INO80: variants seen among roughly 807,000 people sequenced by gnomAD.
The protein encoded by INO80 is INO80 complex ATPase subunit.
In INO80, 20 loss-of-function variants were observed where a neutral mutation model predicts 203.4. The observed-to-expected ratio is 0.10, with a 90% confidence interval of 0.07 to 0.14. The LOEUF is 0.14. Ranked by LOEUF, INO80 falls within the 10% of genes least tolerant of loss-of-function variation. The probability of loss-of-function intolerance (pLI) is 1.00; values close to 1 mark genes in which losing one functional copy is unlikely to be tolerated. For missense variants in INO80, 1,419 were observed against 1,914.4 expected (o/e 0.74, Z 4.83); for synonymous variants, 726 against 685.2 (o/e 1.06, Z -0.93).
chr15:41,024,803 G>A (rs934284714), intron 25 of INO80, among the ~76,000 whole-genome samples: 6 of 152,072 alleles, frequency 3.9e-5, no homozygotes, highest in African/African-American at 1.4e-4. Context: ...CTAATTCAAG[G>A]CCAGGGTTGG....
At chr15:41,108,051 G>C (rs939693943) in intron 1 of INO80, among the ~76,000 whole-genome samples, 2 of 151,592 alleles carry the variant, frequency 1.3e-5, no homozygotes, top group Admixed American at 6.6e-5. Flanking sequence ...GGTGGGCCGA[G>C]ATCACACCAC....
chr15:41,019,312 C>T (rs944440609), intron 26 of INO80, among the ~76,000 whole-genome samples: 12 of 152,184 alleles, frequency 7.9e-5, no homozygotes, highest in Admixed American at 2.6e-4. Flanking sequence ...CCCCAACCCC[C>T]GCCCTGTCCC....
intron 28 of INO80, 60 bp from the exon 29 acceptor site, chr15:40,997,661 AAT>A: frequency 9.2e-7 from 1 of 1,091,658 alleles, no homozygotes; most frequent in Non-Finnish European, 1.4e-6. Flanking sequence ...GGCATGTATC[AAT>A]AGAGAGAGAT....
At chr15:41,097,957 A>AAAC (rs769190530) in intron 1 of INO80, among the ~76,000 whole-genome samples, 15 of 151,990 alleles carry the variant, frequency 9.9e-5, no homozygotes, top group African/African-American at 1.7e-4. Context: ...CCATCTCAAA[A>AAAC]AACAACAACA....
chr15:41,076,792 T>C lies in INO80; in HGVS notation c.1132-2227A>G, dbSNP rs140448679. On this transcript the variant is annotated intron_variant, in intron 9 of 35. Transcript: ENST00000648947. ...TAACCTAAGAAAAATAATCATTGTG[T>C]CGATAAATAAAATCATTCCTAAGAT... Among the ~76,000 whole-genome samples the C allele has an allele frequency of 3.6e-3, 551 of 152,178 alleles. 4 individuals carry two copies. The highest frequency in any genetic ancestry group is 0.013 in the African/African-American group (521 of 41,516).
In INO80 at chr15:41,070,554, A is replaced by G. The variant is rs555960104; in HGVS notation, c.1606-7T>C. The G allele has an allele frequency of 1.0e-4, 165 of 1,600,840 alleles. No individual in the cohort carries two copies. Among genetic ancestry groups the G allele is most frequent in the Middle Eastern group, 3.3e-4 (2 of 6,028 alleles). On this transcript the variant is annotated splice_region_variant and splice_polypyrimidine_tract_variant and intron_variant, in intron 12 of 35. Coordinates refer to ENST00000648947, the MANE Select transcript of INO80 (RefSeq NM_017553.3). ...CAAGAATGCCATTAATACCCTGGGG[A>G]AAAAAAATACATGGTCAACACCTCA...
At chr15:40,987,776 T>G (rs2043760668) in intron 30 of INO80, 40 bp downstream of exon 30, 2 of 1,584,210 alleles carry the variant, frequency 1.3e-6, no homozygotes, top group Non-Finnish European at 1.7e-6. Context: ...GACTTTCTGT[T>G]TGCTCCACCA....
chr15:41,097,406 A>G (rs573152015), intron 1 of INO80, among the ~76,000 whole-genome samples: 5 of 152,194 alleles, frequency 3.3e-5, no homozygotes, highest in Non-Finnish European at 7.3e-5. Context: ...TAAATACTTA[A>G]AGGGTTACAC....
intron 25 of INO80, chr15:41,023,316 A>C (rs1224322414): frequency 2.2e-6 from 1 of 456,008 alleles, no homozygotes; most frequent in African/African-American, 2.0e-5. Flanking sequence ...GTCAGAGCAA[A>C]CATCTCCCAT....
Position 41,036,156 on chromosome 15 carries a change from G to GGA in INO80, c.2908-8421_2908-8420insTC, listed in dbSNP as rs1555401559. Among the ~76,000 whole-genome samples, 25 of 32,140 alleles carry GGA rather than the reference G, an allele frequency of 7.8e-4. No individual in the cohort carries two copies. The South Asian group carries it at 8.6e-3, about 11-fold the overall frequency. 21.1% of individuals were successfully genotyped at this position (32,140 alleles called of 152,430 possible). A position where few individuals can be genotyped will look rare whatever the true frequency, so the allele number is the denominator to read the frequency against. ...GGGCAACAGAGTGCAACTCTCTCTC[G>GGA]AAAAAAAAAAAAAAAAAAAAAAAAA... On this transcript the variant is annotated intron_variant, in intron 24 of 35. Transcript: ENST00000648947.
chr15:41,069,169 C>A (rs1596307597), intron 14 of INO80, among the ~76,000 whole-genome samples: 1 of 152,152 alleles, frequency 6.6e-6, no homozygotes, highest in African/African-American at 2.4e-5. Flanking sequence ...TGCTCTGTCG[C>A]CCTGGATGGA....
At chr15:41,015,322 T>C (rs2044187314) in intron 27 of INO80, among the ~76,000 whole-genome samples, 1 of 152,186 alleles carries the variant, frequency 6.6e-6, no homozygotes, top group Admixed American at 6.5e-5. Flanking sequence ...TCTCTGGAAA[T>C]AGGACTAGAA....
In INO80 at chr15:40,982,858, G is replaced by A. The variant is rs1893881875; in HGVS notation, c.4453+4C>T. The stretch of plus-strand genomic sequence containing the variant: ...AAGTCTGCAGCCACCCTGGGCTTCT[G>A]TACCTTTAGACACGTTGTACCCGTA... On this transcript the variant is annotated splice_donor_region_variant and intron_variant, in intron 35 of 35. Coordinates refer to ENST00000648947, the MANE Select transcript of INO80 (RefSeq NM_017553.3). The A allele has an allele frequency of 6.2e-7, 1 of 1,609,628 alleles. No homozygotes were observed. Among genetic ancestry groups the A allele is most frequent in the Admixed American group, 1.7e-5 (1 of 59,956 alleles).
At chr15:41,020,169 C>A (rs899499063) in intron 26 of INO80, among the ~76,000 whole-genome samples, 1 of 151,820 alleles carries the variant, frequency 6.6e-6, no homozygotes, top group Non-Finnish European at 1.5e-5. Flanking sequence ...TGCAGTGAGC[C>A]GAGATCACGC....
rs151288064 is a variant in INO80, at chr15:40,990,256, A to C, written c.3571-2282T>G. On this transcript the variant is annotated intron_variant, in intron 29 of 35. Transcript: ENST00000648947. ...GTAGTAACAAAACTTGGCATTGCCT[A>C]CCTACCTTGGTCCAAGTCCCCACTT... 4.2e-3 allele frequency among the ~76,000 whole-genome samples: 632 copies of C among 152,286 alleles called. 2 individuals carry two copies. The highest frequency in any genetic ancestry group is 0.015 in the African/African-American group (604 of 41,548).
chr15:41,102,108 T>G (rs971263991), intron 1 of INO80, among the ~76,000 whole-genome samples: 3 of 151,926 alleles, frequency 2.0e-5, no homozygotes, highest in Non-Finnish European at 2.9e-5. Flanking sequence ...GGAGAATCGC[T>G]TGAACCTGGG....
intron 26 of INO80, among the ~76,000 whole-genome samples, chr15:41,019,780 G>T (rs74014737): frequency 0.029 from 4,447 of 152,312 alleles, 214 homozygotes; most frequent in African/African-American, 0.1. Flanking sequence ...GCACTAACAG[G>T]CTGGGGCAAA....
chr15:41,097,810 G>A (rs2045746963), intron 1 of INO80, among the ~76,000 whole-genome samples: 1 of 151,818 alleles, frequency 6.6e-6, no homozygotes, highest in Admixed American at 6.6e-5. Context: ...AAAATTAGCT[G>A]GGCATGGTGG....
chr15:40,985,455 G>T, intron 31 of INO80, 29 bp from the exon 32 acceptor site: 1 of 1,490,330 alleles, frequency 6.7e-7, no homozygotes, highest in Non-Finnish European at 9.4e-7. Context: ...AAGACCTGAT[G>T]AAGTACCTGT....
Sources: allele counts gnomAD v4.1 joint callset (sites outside exome capture counted in the v4.1 genomes callset), GRCh38; gene constraint gnomAD v4.1.1; transcripts MANE v1.5; gene names NCBI Gene and HGNC (gene_info 2026-07-23, HGNC 2026-07-21).